Variants in ZNF519 observed in about 807,000 individuals in gnomAD.
The protein encoded by ZNF519 is similar to Zinc finger protein 85 (Zinc finger protein HPF4) (HTF1).
A neutral mutation model predicts 7.4 loss-of-function variants in ZNF519; 7 were observed. That is an observed-to-expected ratio of 0.94 (90% CI 0.54 to 1.77). The LOEUF is 1.77. ZNF519 is among the 40% of genes most tolerant of loss of function. The probability of loss-of-function intolerance (pLI) is 0.00; values close to 1 mark genes in which losing one functional copy is unlikely to be tolerated. For synonymous variants in ZNF519, 179 were observed against 203.3 expected, an observed-to-expected ratio of 0.88 and a Z score of 1.02; for missense variants, 586 against 623.1, an observed-to-expected ratio of 0.94 and a Z score of 0.63.
At chr18:14,078,240 G>C (rs2046056111) in exon 4 of ZNF519, 1 of 152,208 alleles carries the variant, frequency 6.6e-6, no homozygotes, top group Non-Finnish European at 1.5e-5. Context: ...CCATGGACAG[G>C]TACTGGTCTG....
Position 14,104,883 on chromosome 18 carries a change from G to T in ZNF519, c.*34C>A. ...TGAGTAAGGTGTGAGCACCAGTTTA[G>T]GGTTTTAGCACATTCTTTACACTTG... On this transcript the variant is annotated 3_prime_UTR_variant, in exon 3 of 3. Coordinates refer to ENST00000590202, the MANE Select transcript of ZNF519 (RefSeq NM_145287.4). 6.7e-7 allele frequency: 1 copy of T among 1,489,410 alleles called. No individual in the cohort carries two copies. The highest frequency in any genetic ancestry group is 1.5e-5 in the South Asian group (1 of 65,700). The allele number at this position is 1,489,410 out of a possible 1,614,324, so 92.3% of individuals were successfully genotyped here.
At chr18:14,128,633 C>T (rs2046313532) in intron 1 of ZNF519, among the ~76,000 whole-genome samples, 2 of 150,760 alleles carry the variant, frequency 1.3e-5, no homozygotes, top group Admixed American at 1.3e-4. Context: ...TATAAACTTG[C>T]TAATTACATT....
downstream of ZNF519, among the ~76,000 whole-genome samples, chr18:14,098,294 G>A (rs1188869714): frequency 1.3e-5 from 2 of 151,648 alleles, no homozygotes; most frequent in African/African-American, 4.8e-5. Context: ...CTGAGTAGCT[G>A]GATTACAGGC....
intron 1 of ZNF519, among the ~76,000 whole-genome samples, chr18:14,126,640 C>T (rs45477099): frequency 6.6e-6 from 1 of 152,154 alleles, no homozygotes; most frequent in African/African-American, 2.4e-5. Flanking sequence ...TAATGACATA[C>T]GAAATAGAAG....
Position 14,106,158 on chromosome 18 carries a change from G to A in ZNF519, c.382C>T (p.Pro128Ser), listed in dbSNP as rs749083016. 105 of 1,611,600 alleles carry A rather than the reference G, an allele frequency of 6.5e-5. No individual in the cohort carries two copies. Among genetic ancestry groups the A allele is most frequent in the Non-Finnish European group, 8.8e-5 (104 of 1,179,434 alleles). Residue 128 changes from proline to serine, a missense_variant, in exon 3 of 3, where the codon CCT (proline) becomes TCT (serine). Pro to Ser is a moderately conservative substitution (Grantham distance 74). Transcript: ENST00000590202. ...DKEYRIFQKK[P>S]QFLSAAPTEP... Reference sequence around the variant, plus strand: ...GTAGGAGCAGCTGACAGAAACTGAGGCTTCTTCTGAAATATTCTATATTCT... The same window carrying A: ...GTAGGAGCAGCTGACAGAAACTGAGACTTCTTCTGAAATATTCTATATTCT...
chr18:14,124,306 ACT>A (rs771913903), intron 2 of ZNF519, 42 bp downstream of exon 2: 3 of 1,547,294 alleles, frequency 1.9e-6, no homozygotes, highest in East Asian at 2.3e-5. Flanking sequence ...AGAAAATAAA[ACT>A]CTGAGGGAGA....
At chr18:14,108,738 C>T (rs1217282769) in intron 2 of ZNF519, among the ~76,000 whole-genome samples, 3 of 152,024 alleles carry the variant, frequency 2.0e-5, no homozygotes, top group Non-Finnish European at 2.9e-5. Flanking sequence ...AGTAGCTATA[C>T]TTATATCAGA....
intron 2 of ZNF519, among the ~76,000 whole-genome samples, chr18:14,085,965 G>A (rs974559495): frequency 2.0e-5 from 3 of 152,110 alleles, no homozygotes; most frequent in Non-Finnish European, 4.4e-5. Context: ...CATGGGCCTG[G>A]GACACACTCC....
At chr18:14,111,477 A>C (rs972485861) in intron 2 of ZNF519, among the ~76,000 whole-genome samples, 5 of 149,866 alleles carry the variant, frequency 3.3e-5, no homozygotes, top group Admixed American at 1.3e-4. Flanking sequence ...ACTGCACCCC[A>C]GCCTGGGCGA....
downstream of ZNF519, among the ~76,000 whole-genome samples, chr18:14,097,411 T>G (rs576835938): frequency 6.6e-6 from 1 of 152,268 alleles, no homozygotes; most frequent in South Asian, 2.1e-4. Flanking sequence ...GTAGTATGTG[T>G]AAAGCAGCCT....
chr18:14,124,036 G>T, intron 2 of ZNF519: 1 of 170,648 alleles, frequency 5.9e-6, no homozygotes, highest in South Asian at 1.5e-4. Context: ...AGCCAGACGT[G>T]GTGGTGGGCG....
chr18:14,108,615 A>T (rs913114193), intron 2 of ZNF519, among the ~76,000 whole-genome samples: 1 of 141,256 alleles, frequency 7.1e-6, no homozygotes, highest in Non-Finnish European at 1.5e-5. Context: ...CTAAATGGAT[A>T]AAAAAAAAAA....
intron 2 of ZNF519, among the ~76,000 whole-genome samples, chr18:14,114,161 T>C (rs1395996179): frequency 6.6e-6 from 1 of 152,158 alleles, no homozygotes; most frequent in Non-Finnish European, 1.5e-5. Context: ...CATTTGTCCA[T>C]TTTTGCTTTG....
downstream of ZNF519, chr18:14,074,607 T>G (rs902772923): frequency 2.0e-5 from 3 of 152,582 alleles, no homozygotes; most frequent in African/African-American, 7.2e-5. Context: ...CAAAATACCA[T>G]CAGTCTCTTT....
At chr18:14,132,018 C>T (rs2046332935) in intron 1 of ZNF519, among the ~76,000 whole-genome samples, 1 of 152,164 alleles carries the variant, frequency 6.6e-6, no homozygotes, top group Non-Finnish European at 1.5e-5. Context: ...GGCGTCTTTC[C>T]GATGACTTTC....
At chr18:14,091,370 G>T (rs2143098057) in intron 2 of ZNF519, among the ~76,000 whole-genome samples, 1 of 152,262 alleles carries the variant, frequency 6.6e-6, no homozygotes, top group East Asian at 1.9e-4. Flanking sequence ...GAGAAAAGTT[G>T]TAAGGGAATT....
chr18:14,099,770 A>G (rs2046151655), downstream of ZNF519, among the ~76,000 whole-genome samples: 1 of 152,192 alleles, frequency 6.6e-6, no homozygotes, highest in Non-Finnish European at 1.5e-5. Flanking sequence ...ACAAGTCTCC[A>G]TCCCTCAGGC....
At chr18:14,090,106 T>G (rs1483220827) in intron 2 of ZNF519, 1 of 152,220 alleles carries the variant, frequency 6.6e-6, no homozygotes, top group East Asian at 1.9e-4. Flanking sequence ...CACCGCTCAC[T>G]GGCTCATGGG....
In ZNF519 at chr18:14,101,661, C is replaced by T. The variant is rs867610312; in HGVS notation, c.*3256G>A. The T allele has an allele frequency of 5.0e-6, 2 of 398,540 alleles. No homozygotes were observed. Among genetic ancestry groups the T allele is most frequent in the Admixed American group, 8.8e-5 (2 of 22,720 alleles). 24.7% of individuals were successfully genotyped at this position (398,540 alleles called of 1,614,324 possible). On this transcript the variant is annotated 3_prime_UTR_variant, in exon 3 of 3. Coordinates refer to ENST00000590202, the MANE Select transcript of ZNF519 (RefSeq NM_145287.4). ...TGGGCCCTGGTTATAGAGACCATCT[C>T]TACACCCACACCCCAATCGAGGCAG... is the stretch of plus-strand genomic sequence containing the variant.
Sources: gnomAD v4.1 joint callset for allele counts (sites outside exome capture counted in the v4.1 genomes callset) on GRCh38, gnomAD v4.1.1 for gene constraint, MANE v1.5 for transcripts, NCBI Gene and HGNC (gene_info 2026-07-23, HGNC 2026-07-21) for gene names.